GPC5: variants seen among roughly 807,000 people sequenced by gnomAD.
GPC5 encodes the protein glypican 5, also known as glypican-5.
In GPC5, 47 loss-of-function variants were observed where a neutral mutation model predicts 53.9. The observed-to-expected ratio is 0.87, with a 90% CI of 0.69 to 1.11. The LOEUF (loss-of-function observed/expected upper bound fraction) is 1.11, where lower values mean the gene tolerates loss of function less well. GPC5 is among the 50% of genes most tolerant of loss of function. The pLI is 0.00. For missense variants in GPC5, 748 were observed against 713.1 expected, an observed-to-expected ratio of 1.05 and a Z score of -0.56; for synonymous variants, 286 against 263.3, an observed-to-expected ratio of 1.09 and a Z score of -0.84.
chr13:92,220,551 A>G (rs1370504891), intron 7 of GPC5, among the ~76,000 whole-genome samples: 1 of 152,234 alleles, frequency 6.6e-6, no homozygotes, highest in Non-Finnish European at 1.5e-5. Context: ...CTAGGATACT[A>G]TCGGGAAGTA....
intron 7 of GPC5, among the ~76,000 whole-genome samples, chr13:92,346,975 A>T (rs917570409): frequency 2.0e-5 from 3 of 152,208 alleles, no homozygotes; most frequent in Admixed American, 2.0e-4. Flanking sequence ...AACAAAATTT[A>T]CAATTATTCA....
At chr13:92,063,702 T>C (rs1211261319) in intron 6 of GPC5, among the ~76,000 whole-genome samples, 1 of 152,126 alleles carries the variant, frequency 6.6e-6, no homozygotes, top group Non-Finnish European at 1.5e-5. Context: ...TAATGAGCCA[T>C]AAAAAGGAGT....
intron 6 of GPC5, among the ~76,000 whole-genome samples, chr13:91,925,531 A>G (rs2039758795): frequency 6.6e-6 from 1 of 152,166 alleles, no homozygotes. Context: ...AAATGAGGGG[A>G]TCAGCTGGAG....
At chr13:91,882,344 A>T (rs2039273279) in intron 5 of GPC5, among the ~76,000 whole-genome samples, 1 of 152,112 alleles carries the variant, frequency 6.6e-6, no homozygotes, top group South Asian at 2.1e-4. Flanking sequence ...ATACATTATA[A>T]TGCTCAAATT....
At chr13:92,848,407 A>T (rs1433003852) in intron 7 of GPC5, among the ~76,000 whole-genome samples, 1 of 152,168 alleles carries the variant, frequency 6.6e-6, no homozygotes, top group African/African-American at 2.4e-5. Flanking sequence ...TAAAAAGAGT[A>T]AAGTGTTCGT....
At chr13:92,247,508 A>G (rs1419612647) in intron 7 of GPC5, among the ~76,000 whole-genome samples, 3 of 152,160 alleles carry the variant, frequency 2.0e-5, no homozygotes, top group Non-Finnish European at 4.4e-5. Context: ...AAGCAAGTAT[A>G]AATTATGACT....
chr13:92,019,916 A>G (rs1012211034), intron 6 of GPC5, among the ~76,000 whole-genome samples: 1 of 152,114 alleles, frequency 6.6e-6, no homozygotes, highest in African/African-American at 2.4e-5. Flanking sequence ...GCTTAAAACA[A>G]CAAATTATTA....
intron 7 of GPC5, among the ~76,000 whole-genome samples, chr13:92,294,923 G>A (rs574220734): frequency 1.0e-4 from 15 of 146,320 alleles, no homozygotes; most frequent in East Asian, 6.2e-4. Context: ...TCTGCCTCCC[G>A]GTTCAAGCGA....
chr13:92,111,811 A>T (rs910546936), intron 6 of GPC5, among the ~76,000 whole-genome samples: 2 of 152,250 alleles, frequency 1.3e-5, no homozygotes, highest in African/African-American at 4.8e-5. Flanking sequence ...GCATCAACAT[A>T]AAGAATCTTG....
intron 5 of GPC5, among the ~76,000 whole-genome samples, chr13:91,887,266 A>G (rs1236975079): frequency 6.6e-6 from 1 of 152,108 alleles, no homozygotes; most frequent in Non-Finnish European, 1.5e-5. Flanking sequence ...CACCCAAGCC[A>G]TGGGTGGAGC....
intron 5 of GPC5, among the ~76,000 whole-genome samples, chr13:91,764,035 A>G (rs568533232): frequency 6.6e-6 from 1 of 152,072 alleles, no homozygotes; most frequent in Non-Finnish European, 1.5e-5. Context: ...TTTTATTTTT[A>G]TATATTTTTT....
chr13:92,560,714 G>A (rs1170733962), intron 7 of GPC5, among the ~76,000 whole-genome samples: 1 of 151,992 alleles, frequency 6.6e-6, no homozygotes, highest in African/African-American at 2.4e-5. Context: ...CTCAGATACA[G>A]AGAATTAAAA....
At chr13:92,066,162 G>A (rs1365669202) in intron 6 of GPC5, among the ~76,000 whole-genome samples, 3 of 151,976 alleles carry the variant, frequency 2.0e-5, no homozygotes, top group African/African-American at 4.8e-5. Flanking sequence ...ATCTATTAGC[G>A]ACAGAATACT....
chr13:92,068,596 T>C (rs1305927785), intron 6 of GPC5, among the ~76,000 whole-genome samples: 5 of 151,542 alleles, frequency 3.3e-5, no homozygotes, highest in African/African-American at 1.2e-4. Context: ...TTAATTATAA[T>C]ATTTTTGTAA....
chr13:92,365,420 G>A (rs1422761029), intron 7 of GPC5, among the ~76,000 whole-genome samples: 1 of 151,692 alleles, frequency 6.6e-6, no homozygotes, highest in East Asian at 1.9e-4. Flanking sequence ...AGTGAGTGGT[G>A]AGTGGATGGG....
intron 2 of GPC5, among the ~76,000 whole-genome samples, chr13:91,639,028 A>G (rs1253351776): frequency 6.6e-6 from 1 of 152,228 alleles, no homozygotes; most frequent in Non-Finnish European, 1.5e-5. Context: ...GCTTTGCATG[A>G]GCGAGTATAT....
intron 6 of GPC5, among the ~76,000 whole-genome samples, chr13:92,034,358 C>G (rs2040876701): frequency 6.6e-6 from 1 of 151,884 alleles, no homozygotes; most frequent in African/African-American, 2.4e-5. Flanking sequence ...ATTAGCTCAG[C>G]ATGGTGGTGG....
chr13:92,400,391 T>C (rs1875501688), intron 7 of GPC5, among the ~76,000 whole-genome samples: 1 of 152,238 alleles, frequency 6.6e-6, no homozygotes, highest in Non-Finnish European at 1.5e-5. Flanking sequence ...TAGCACTTAA[T>C]GATTTACCTA....
In GPC5 at chr13:91,511,485, G is replaced by A. The variant is rs188703979; in HGVS notation, c.325+62563G>A. On this transcript the variant is annotated intron_variant, in intron 2 of 7. Transcript: ENST00000377067. ...CTTTCTCCCTTTGCACCAATTACAA[G>A]TGTTTTACTGTTTAACAATGTCTCA... Among the ~76,000 whole-genome samples, 11 of 152,004 alleles carry A rather than the reference G, an allele frequency of 7.2e-5. No homozygotes were observed. The East Asian group carries it at 1.9e-3, about 27-fold the overall frequency.
Sources: gnomAD v4.1 joint callset for allele counts (sites outside exome capture counted in the v4.1 genomes callset) on GRCh38, gnomAD v4.1.1 for gene constraint, MANE v1.5 for transcripts, NCBI Gene and HGNC (gene_info 2026-07-23, HGNC 2026-07-21) for gene names.